Variants in ERBB3 observed in about 807,000 individuals in gnomAD.
ERBB3 encodes the protein erb-b2 receptor tyrosine kinase 3, also known as receptor tyrosine-protein kinase erbB-3.
Under a neutral mutation model 156.7 loss-of-function variants are expected in ERBB3, and 96 were observed. That is an observed-to-expected ratio of 0.61 (90% CI 0.52 to 0.73). ERBB3 has a LOEUF of 0.73. Ranked by LOEUF, ERBB3 falls within the 30% of genes least tolerant of loss-of-function variation. ERBB3 has a pLI of 0.00. For synonymous variants in ERBB3, 567 were observed against 632.0 expected, an observed-to-expected ratio of 0.90 and a Z score of 1.54; for missense variants, 1,406 against 1,709.4, an observed-to-expected ratio of 0.82 and a Z score of 3.13.
chr12:56,096,362 A>G, intron 17 of ERBB3, 141 bp from the exon 18 acceptor site: 1 of 997,182 alleles, frequency 1.0e-6, no homozygotes, highest in South Asian at 1.3e-5. Flanking sequence ...CAATATGCCT[A>G]TAATCCATTC....
In ERBB3 at chr12:56,101,088, C is replaced by T. The variant is rs112651994; in HGVS notation, c.3229C>T (p.Arg1077Trp). 1.5e-3 allele frequency: 2,448 copies of T among 1,613,888 alleles called. 2 individuals carry two copies. Among genetic ancestry groups the T allele is most frequent in the Non-Finnish European group, 1.9e-3 (2,255 of 1,179,930 alleles). ...GTCTGCAGTTTCTGGGAGCAGTGAA[C>T]GGTGCCCCCGTCCAGTCTCTCTACA... ...QESAVSGSSE[R>W]CPRPVSLHPM... The change falls in exon 27 of 28, where the codon CGG becomes TGG. Residue 1077 changes from arginine to tryptophan, a missense_variant. Coordinates refer to ENST00000267101, the MANE Select transcript of ERBB3 (RefSeq NM_001982.4).
At chr12:56,095,844 T>G in intron 17 of ERBB3, 38 bp downstream of exon 17, 1 of 1,612,868 alleles carries the variant, frequency 6.2e-7, no homozygotes, top group South Asian at 1.1e-5. Flanking sequence ...TCTTTTCTTT[T>G]TTTGCATGTC....
At chr12:56,099,591 G>A (rs994183544) in intron 23 of ERBB3, 57 bp from the exon 24 acceptor site, 34 of 1,470,344 alleles carry the variant, frequency 2.3e-5, no homozygotes, top group South Asian at 4.5e-5. Context: ...GAGCCACCGC[G>A]CCCGGCCATG....
At chr12:56,093,653 A>C (rs1385161096) in intron 12 of ERBB3, 103 bp downstream of exon 12, 39 of 1,567,156 alleles carry the variant, frequency 2.5e-5, no homozygotes, top group Non-Finnish European at 3.1e-5. Flanking sequence ...GAGGGATGGA[A>C]CCAAGGAGAA....
chr12:56,101,305 C>G lies in ERBB3; in HGVS notation c.3446C>G (p.Pro1149Arg). 2 of 1,614,196 alleles carry G rather than the reference C, an allele frequency of 1.2e-6. No homozygotes were observed. Among genetic ancestry groups the G allele is most frequent in the Non-Finnish European group, 8.5e-7 (1 of 1,180,032 alleles). ...ACTCCTGTTACCCCACTCTCCCCAC[C>G]CGGGTTAGAGGAAGAGGATGTCAAC... Reference protein sequence around the residue: ...LLTPVTPLSPPGLEEEDVNGY... With the variant: ...LLTPVTPLSPRGLEEEDVNGY... Residue 1149 changes from proline to arginine, a missense_variant, in exon 27 of 28, where the codon CCC becomes CGC. Transcript: ENST00000267101.
rs753282289 is a variant in ERBB3, at chr12:56,099,629, T to G, written c.2840-19T>G. Reference sequence around the variant, plus strand: ...ATGTATTCTCTTTTATGTCTCTACCTCCTACATCTTATCTCCAGGTTGGAT... The same window carrying G: ...ATGTATTCTCTTTTATGTCTCTACCGCCTACATCTTATCTCCAGGTTGGAT... On this transcript the variant is annotated intron_variant, in intron 23 of 27. Coordinates refer to ENST00000267101, the MANE Select transcript of ERBB3 (RefSeq NM_001982.4). 6.2e-7 allele frequency: 1 copy of G among 1,603,060 alleles called. No homozygotes were observed. Among genetic ancestry groups the G allele is most frequent in the Admixed American group, 1.7e-5 (1 of 60,002 alleles).
intron 9 of ERBB3, among the ~76,000 whole-genome samples, chr12:56,092,492 ATTAT>A (rs1438440288): frequency 1.4e-5 from 2 of 147,936 alleles, no homozygotes; most frequent in African/African-American, 2.5e-5. Context: ...CTTTACAATC[ATTAT>A]TTATTTTAGC....
intron 5 of ERBB3, 71 bp downstream of exon 5, chr12:56,087,713 A>G (rs1293633527): frequency 1.6e-5 from 25 of 1,591,272 alleles, no homozygotes; most frequent in Non-Finnish European, 2.2e-5. Context: ...AGCCTGGGTC[A>G]ACACTGTGGG....
intron 26 of ERBB3, 43 bp from the exon 27 acceptor site, chr12:56,101,018 T>C (rs1228139971): frequency 1.3e-6 from 2 of 1,518,406 alleles, no homozygotes; most frequent in Admixed American, 1.8e-5. Flanking sequence ...TTCCTCATCA[T>C]GTAAATTTCC....
intron 23 of ERBB3, 61 bp from the exon 24 acceptor site, chr12:56,099,587 C>T (rs1019736282): frequency 6.9e-7 from 1 of 1,447,170 alleles, no homozygotes; most frequent in Non-Finnish European, 9.7e-7. Context: ...GTGTGAGCCA[C>T]CGCGCCCGGC....
chr12:56,087,426 C>A, intron 4 of ERBB3, 151 bp from the exon 5 acceptor site: 1 of 753,072 alleles, frequency 1.3e-6, no homozygotes, highest in Non-Finnish European at 2.4e-6. Flanking sequence ...CACTTGAGCC[C>A]AGCCCTGCTC....
chr12:56,101,001 CTCTT>C, intron 26 of ERBB3, 56 bp from the exon 27 acceptor site: 2 of 866,354 alleles, frequency 2.3e-6, no homozygotes, highest in Admixed American at 4.2e-5. Context: ...AAACAAATCT[CTCTT>C]CTTTCCTCAT....
At chr12:56,096,402 C>CT in intron 17 of ERBB3, 101 bp from the exon 18 acceptor site, 1 of 1,480,242 alleles carries the variant, frequency 6.8e-7, no homozygotes, top group Non-Finnish European at 9.4e-7. Context: ...TCTTCCTGCC[C>CT]TTTCAGCTGT....
intron 17 of ERBB3, chr12:56,096,030 C>A (rs1256529848): frequency 1.8e-5 from 11 of 599,498 alleles, no homozygotes; most frequent in Non-Finnish European, 3.2e-5. Context: ...GCATTCTAGT[C>A]CTGATTTTGC....
At chr12:56,100,122 G>T in intron 25 of ERBB3, 52 bp from the exon 26 acceptor site, 1 of 1,595,356 alleles carries the variant, frequency 6.3e-7, no homozygotes, top group South Asian at 1.1e-5. Context: ...CCCCCATGGT[G>T]AATGTAGATT....
chr12:56,088,588 C>T lies in ERBB3; in HGVS notation c.920C>T (p.Pro307Leu), dbSNP rs2136797141. 6.2e-7 allele frequency: 1 copy of T among 1,614,128 alleles called. No individual in the cohort carries two copies. The highest frequency in any genetic ancestry group is 8.5e-7 in the Non-Finnish European group (1 of 1,180,014). Residue 307 changes from proline (P) to leucine (L), a missense_variant, in exon 8 of 28, where the codon CCT becomes CTT. Pro to Leu is a moderately conservative substitution (Grantham distance 98). This residue lies in a region of ERBB3 where 979 missense variants were observed against 1,219.6 expected (regional missense o/e 0.80). Coordinates refer to ENST00000267101, the MANE Select transcript of ERBB3 (RefSeq NM_001982.4). ...DQTSCVRACP[P>L]DKMEVDKNGL... ...ACATCCTGTGTCAGGGCCTGTCCTC[C>T]TGACAAGATGGAAGTAGATAAAAAT...
chr12:56,088,457 G>A, intron 7 of ERBB3, 86 bp from the exon 8 acceptor site: 1 of 1,070,414 alleles, frequency 9.3e-7, no homozygotes, highest in Non-Finnish European at 1.5e-6. Context: ...AGAGCTGGAG[G>A]GAGCCTAGGC....
At chr12:56,089,375 C>A (rs1383245946) in intron 9 of ERBB3, among the ~76,000 whole-genome samples, 2 of 152,110 alleles carry the variant, frequency 1.3e-5, no homozygotes, top group Non-Finnish European at 2.9e-5. Context: ...CCCATCTTGG[C>A]CTCCCAAAGT....
At position 56,098,877 on chromosome 12, in the gene ERBB3, A is replaced by C. The variant is rs1868987117; in HGVS notation, c.2811A>C (p.Thr937=). Residue 937 remains threonine, a synonymous_variant, in exon 23 of 28, where the codon ACA becomes ACC. Coordinates refer to ENST00000267101, the MANE Select transcript of ERBB3 (RefSeq NM_001982.4). ...GERLAQPQIC[T]IDVYMVMVKC... ...GGTTGGCACAGCCCCAGATCTGCAC[A>C]ATTGATGTCTACATGGTGATGGTCA... 6.2e-7 allele frequency: 1 copy of C among 1,613,936 alleles called. No homozygotes were observed. The highest frequency in any genetic ancestry group is 8.5e-7 in the Non-Finnish European group (1 of 1,180,006).
Sources: allele counts gnomAD v4.1 joint callset (sites outside exome capture counted in the v4.1 genomes callset), GRCh38; gene constraint gnomAD v4.1.1; regional missense constraint gnomAD v4.1.1; transcripts MANE v1.5; gene names NCBI Gene and HGNC (gene_info 2026-07-23, HGNC 2026-07-21).